The following CTNNAL1 variants were observed in gnomAD, a reference collection of about 807,000 sequenced individuals.
CTNNAL1 encodes the protein catenin alpha like 1, also known as alpha-catulin.
CTNNAL1 carries 69 observed loss-of-function variants against 93.6 expected under a neutral mutation model. The ratio of observed to expected loss-of-function variants is 0.74; its 90% CI spans 0.61 to 0.90. CTNNAL1 has a LOEUF of 0.90. CTNNAL1 is among the 40% of genes least tolerant of loss of function. The probability of loss-of-function intolerance (pLI) is 0.00; values close to 1 mark genes in which losing one functional copy is unlikely to be tolerated. For missense variants in CTNNAL1, 836 were observed against 862.0 expected (o/e 0.97, Z 0.38); for synonymous variants, 286 against 305.4 (o/e 0.94, Z 0.66).
At chr9:108,969,825 G>C (rs967404287) in intron 10 of CTNNAL1, among the ~76,000 whole-genome samples, 1 of 144,434 alleles carries the variant, frequency 6.9e-6, no homozygotes, top group East Asian at 1.9e-4. Flanking sequence ...GGTAATTTTT[G>C]TTTGTTTGTT....
At chr9:108,965,649 T>G in intron 10 of CTNNAL1, 121 bp from the exon 11 acceptor site, 2 of 485,852 alleles carry the variant, frequency 4.1e-6, no homozygotes, top group Non-Finnish European at 6.9e-6. Flanking sequence ...TATGAAGTAA[T>G]TTCTATACAC....
chr9:108,955,915 C>CA (rs1233191642), intron 11 of CTNNAL1, 88 bp from the exon 12 acceptor site: 93 of 789,026 alleles, frequency 1.2e-4, no homozygotes, highest in Non-Finnish European at 2.9e-5. Context: ...ATTAATTAAA[C>CA]AAACAGGAAT....
chr9:109,000,164 G>A (rs940319505), intron 1 of CTNNAL1, among the ~76,000 whole-genome samples: 4 of 152,138 alleles, frequency 2.6e-5, no homozygotes, highest in East Asian at 3.9e-4. Flanking sequence ...GTCTTGGCTC[G>A]GCGATTACTT....
chr9:109,001,335 A>C (rs1373872777), intron 1 of CTNNAL1, among the ~76,000 whole-genome samples: 2 of 152,188 alleles, frequency 1.3e-5, no homozygotes, highest in Non-Finnish European at 2.9e-5. Flanking sequence ...GTGGTTTGAA[A>C]TCACTGAAGG....
At chr9:108,974,576 G>A (rs1329995651) in intron 8 of CTNNAL1, among the ~76,000 whole-genome samples, 1 of 152,186 alleles carries the variant, frequency 6.6e-6, no homozygotes, top group Non-Finnish European at 1.5e-5. Flanking sequence ...GCTTACACCT[G>A]TAATCCCAGC....
chr9:108,996,294 G>A (rs1186630506), intron 2 of CTNNAL1, among the ~76,000 whole-genome samples: 6 of 152,016 alleles, frequency 3.9e-5, no homozygotes, highest in Non-Finnish European at 1.5e-5. Context: ...CTTTATATTA[G>A]TTCCCTCAAA....
chr9:108,985,641 C>T (rs1344349172), intron 4 of CTNNAL1, among the ~76,000 whole-genome samples: 1 of 152,210 alleles, frequency 6.6e-6, no homozygotes, highest in Non-Finnish European at 1.5e-5. Context: ...TCCCAAAGAA[C>T]TGTGTCCTAT....
chr9:108,995,965 G>GTTT (rs11461285), intron 2 of CTNNAL1, among the ~76,000 whole-genome samples: 1 of 147,240 alleles, frequency 6.8e-6, no homozygotes. Flanking sequence ...AGACTTTAGT[G>GTTT]TTTTTTTTTT....
chr9:108,970,616 C>T (rs1189879528), intron 9 of CTNNAL1, 122 bp from the exon 10 acceptor site: 1 of 760,634 alleles, frequency 1.3e-6, no homozygotes, highest in South Asian at 2.9e-5. Flanking sequence ...TTAAAATAAA[C>T]TTAAACATTA....
intron 15 of CTNNAL1, among the ~76,000 whole-genome samples, chr9:108,946,448 GT>G (rs1830407103): frequency 6.6e-6 from 1 of 151,946 alleles, no homozygotes; most frequent in African/African-American, 2.4e-5. Context: ...CTTTGCACTT[GT>G]TTTGGCTATC....
At chr9:108,947,271 A>G (rs10979622) in intron 15 of CTNNAL1, among the ~76,000 whole-genome samples, 11,497 of 151,936 alleles carry the variant, frequency 0.076, 510 homozygotes, top group Admixed American at 0.13. Flanking sequence ...CCGCCACCAC[A>G]CCCAGCGAAT....
intron 15 of CTNNAL1, among the ~76,000 whole-genome samples, chr9:108,945,565 G>A (rs890463776): frequency 4.0e-5 from 6 of 150,330 alleles, no homozygotes; most frequent in Non-Finnish European, 4.4e-5. Context: ...AGGCTCAAGC[G>A]ATCCTCCTGC....
rs1469469692 is a variant in CTNNAL1 at position 108,983,305 on chromosome 9, C to T, written c.740G>A (p.Arg247Lys). ...MLLTASKTCLRHPNCESAHKN... is the reference protein window; with the variant it reads ...MLLTASKTCLKHPNCESAHKN... ...ATGGGCTGATTCGCAGTTAGGATGCCTCAGACATGTCTTCAAAACAATTGA... is the reference window on the plus strand; with the variant it reads ...ATGGGCTGATTCGCAGTTAGGATGCTTCAGACATGTCTTCAAAACAATTGA... Residue 247 changes from arginine to lysine, a missense_variant, in exon 6 of 19, where the codon AGG becomes AAG. Arg to Lys is a conservative substitution (Grantham distance 26). Coordinates refer to ENST00000325551, the MANE Select transcript of CTNNAL1 (RefSeq NM_003798.4). 1 of 1,522,470 alleles carries T rather than the reference C, an allele frequency of 6.6e-7. No homozygotes were observed. The highest frequency in any genetic ancestry group is 8.8e-7 in the Non-Finnish European group (1 of 1,138,262). The allele number at this position is 1,522,470 out of a possible 1,614,324, so 94.3% of individuals were successfully genotyped here.
chr9:108,996,688 G>A (rs1375750616), intron 2 of CTNNAL1, among the ~76,000 whole-genome samples: 3 of 151,878 alleles, frequency 2.0e-5, no homozygotes, highest in Admixed American at 6.6e-5. Flanking sequence ...TTTAATCAAC[G>A]GTTGTTAGAA....
chr9:108,971,791 T>C (rs1383697985), intron 9 of CTNNAL1, among the ~76,000 whole-genome samples: 1 of 152,174 alleles, frequency 6.6e-6, no homozygotes, highest in African/African-American at 2.4e-5. Context: ...ATATCTGACA[T>C]TTTCAATAGG....
intron 14 of CTNNAL1, among the ~76,000 whole-genome samples, chr9:108,949,916 C>T (rs1291938670): frequency 6.7e-6 from 1 of 148,602 alleles, no homozygotes; most frequent in East Asian, 2.0e-4. Context: ...CCCAGCTACT[C>T]GGGAGGCTAA....
At position 108,983,305 on chromosome 9, in the gene CTNNAL1, C is replaced by A; in HGVS notation, c.740G>T (p.Arg247Met). The A allele has an allele frequency of 6.6e-7, 1 of 1,522,470 alleles. No homozygotes were observed. Among genetic ancestry groups the A allele is most frequent in the Non-Finnish European group, 8.8e-7 (1 of 1,138,262 alleles). 94.3% of individuals were successfully genotyped at this position (1,522,470 alleles called of 1,614,324 possible). The part of the protein sequence containing the change: ...MLLTASKTCL[R>M]HPNCESAHKN... ...ATGGGCTGATTCGCAGTTAGGATGCCTCAGACATGTCTTCAAAACAATTGA... is the reference window on the plus strand; with the variant it reads ...ATGGGCTGATTCGCAGTTAGGATGCATCAGACATGTCTTCAAAACAATTGA... Residue 247 changes from arginine (R) to methionine (M), a missense_variant, in exon 6 of 19, where the codon AGG becomes ATG. Transcript: ENST00000325551.
intron 2 of CTNNAL1, among the ~76,000 whole-genome samples, chr9:108,995,754 TATA>T (rs1831992732): frequency 1.3e-5 from 2 of 152,262 alleles, no homozygotes; most frequent in African/African-American, 2.4e-5. Flanking sequence ...AAAAATTAAT[TATA>T]ATAATAACAA....
At chr9:108,976,450 A>G (rs576274304) in intron 8 of CTNNAL1, among the ~76,000 whole-genome samples, 11 of 152,340 alleles carry the variant, frequency 7.2e-5, no homozygotes, top group South Asian at 4.1e-4. Context: ...GAATAAAGTG[A>G]TGAAAATTCA....
Sources: gnomAD v4.1 joint callset for allele counts (sites outside exome capture counted in the v4.1 genomes callset) on GRCh38, gnomAD v4.1.1 for gene constraint, MANE v1.5 for transcripts, NCBI Gene and HGNC (gene_info 2026-07-23, HGNC 2026-07-21) for gene names.